The following CDH13 variants were observed in gnomAD, a reference collection of about 807,000 sequenced individuals.
CDH13 encodes cadherin-13.
Under a neutral mutation model 63.8 loss-of-function variants are expected in CDH13, and 24 were observed. The observed-to-expected ratio is 0.38, with a 90% confidence interval of 0.27 to 0.53. CDH13 has a LOEUF of 0.53. CDH13 is among the 20% of genes least tolerant of loss of function. The pLI is 0.85. For missense variants in CDH13, 1,049 were observed against 903.1 expected (o/e 1.16, Z -2.07); for synonymous variants, 503 against 355.3 (o/e 1.42, Z -4.67).
rs748127216 is a variant in CDH13 at position 83,602,568 on chromosome 16, C to T, written c.1075C>T (p.His359Tyr). The T allele has an allele frequency of 6.2e-7, 1 of 1,614,008 alleles. No individual in the cohort carries two copies. The highest frequency in any genetic ancestry group is 8.5e-7 in the Non-Finnish European group (1 of 1,179,882). ...ATIMIDDKND[H>Y]SPKFTKKEFQ... is the part of the protein sequence containing the mutation. The stretch of plus-strand genomic sequence containing the variant: ...GATCATGATCGATGACAAAAATGAT[C>T]ACTCACCAAAATTCACCAAGAAAGA... The change falls in exon 8 of 14, where the codon CAC becomes TAC. Residue 359 changes from histidine to tyrosine, a missense_variant. Transcript: ENST00000567109.
At chr16:82,705,979 C>T (rs1597369983) in intron 1 of CDH13, among the ~76,000 whole-genome samples, 1 of 151,900 alleles carries the variant, frequency 6.6e-6, no homozygotes, top group Non-Finnish European at 1.5e-5. Flanking sequence ...AAGTTTATAC[C>T]CAGGTTATCT....
chr16:83,701,453 C>T (rs970623718), intron 10 of CDH13, among the ~76,000 whole-genome samples: 6 of 152,174 alleles, frequency 3.9e-5, no homozygotes, highest in African/African-American at 1.4e-4. Context: ...CACATCCGGT[C>T]GTAGGCCGTA....
intron 7 of CDH13, among the ~76,000 whole-genome samples, chr16:83,557,128 A>C (rs980119445): frequency 1.3e-5 from 2 of 152,152 alleles, no homozygotes; most frequent in African/African-American, 4.8e-5. Flanking sequence ...AGAGTCTCAT[A>C]GGAGTATGAA....
chr16:83,009,176 C>G (rs1355127284), intron 2 of CDH13, among the ~76,000 whole-genome samples: 3 of 152,158 alleles, frequency 2.0e-5, no homozygotes, highest in Non-Finnish European at 4.4e-5. Flanking sequence ...CTACTTCATT[C>G]AAGAGAATGA....
At chr16:83,053,862 C>T (rs2030644381) in intron 3 of CDH13, among the ~76,000 whole-genome samples, 1 of 152,146 alleles carries the variant, frequency 6.6e-6, no homozygotes, top group Non-Finnish European at 1.5e-5. Flanking sequence ...GACCGGGTAC[C>T]TGAAACCTCT....
chr16:83,266,698 T>A (rs541704468), intron 5 of CDH13, among the ~76,000 whole-genome samples: 1 of 152,228 alleles, frequency 6.6e-6, no homozygotes, highest in Non-Finnish European at 1.5e-5. Flanking sequence ...ATATTTCCGA[T>A]ATGGATGTTA....
At chr16:83,048,043 C>T (rs1327473987) in intron 3 of CDH13, among the ~76,000 whole-genome samples, 1 of 152,130 alleles carries the variant, frequency 6.6e-6, no homozygotes. Context: ...AATATTATTA[C>T]AGTAAAGTAG....
intron 8 of CDH13, among the ~76,000 whole-genome samples, chr16:83,643,286 A>G (rs1911467762): frequency 2.7e-5 from 2 of 75,468 alleles, no homozygotes; most frequent in Admixed American, 3.0e-4. Context: ...AGTATAATAA[A>G]AAAAAAAAAA....
chr16:83,315,241 G>A (rs2090081903), intron 5 of CDH13, among the ~76,000 whole-genome samples: 1 of 152,202 alleles, frequency 6.6e-6, no homozygotes, highest in African/African-American at 2.4e-5. Flanking sequence ...TCCGAGGAAG[G>A]GCCTTAGGCC....
At chr16:83,625,427 G>C (rs1327983598) in intron 8 of CDH13, among the ~76,000 whole-genome samples, 3 of 152,084 alleles carry the variant, frequency 2.0e-5, no homozygotes. Context: ...GATTTCTTCA[G>C]GTCCATTTTC....
intron 1 of CDH13, among the ~76,000 whole-genome samples, chr16:82,662,312 A>G (rs889143767): frequency 1.3e-5 from 2 of 150,966 alleles, no homozygotes; most frequent in African/African-American, 4.9e-5. Flanking sequence ...TGTCGGCATT[A>G]GTTACCTTGA....
intron 10 of CDH13, 89 bp downstream of exon 10, chr16:83,678,550 C>A: frequency 1.4e-6 from 2 of 1,479,002 alleles, no homozygotes; most frequent in Admixed American, 1.9e-5. Context: ...CAGGAGCAGA[C>A]ACCATTAAAT....
chr16:82,907,874 T>C (rs2041701153), intron 2 of CDH13, among the ~76,000 whole-genome samples: 1 of 152,200 alleles, frequency 6.6e-6, no homozygotes, highest in Non-Finnish European at 1.5e-5. Context: ...ATAGTATGTC[T>C]TTGAATGCAA....
intron 4 of CDH13, among the ~76,000 whole-genome samples, chr16:83,142,399 A>G (rs2151678234): frequency 6.6e-6 from 1 of 151,134 alleles, no homozygotes; most frequent in African/African-American, 2.4e-5. Context: ...TGTCCTCAGG[A>G]CCCACCTGGG....
intron 10 of CDH13, among the ~76,000 whole-genome samples, chr16:83,698,736 C>G (rs1005278989): frequency 2.6e-5 from 4 of 152,222 alleles, no homozygotes; most frequent in Non-Finnish European, 4.4e-5. Flanking sequence ...GCGTCTTGCC[C>G]TGTATTGTCT....
At chr16:82,775,902 A>G (rs1239758516) in intron 1 of CDH13, among the ~76,000 whole-genome samples, 1 of 152,178 alleles carries the variant, frequency 6.6e-6, no homozygotes, top group Non-Finnish European at 1.5e-5. Flanking sequence ...GAAGTATGAA[A>G]GGAGCAGTAA....
At chr16:82,977,557 A>G (rs1221051448) in intron 2 of CDH13, among the ~76,000 whole-genome samples, 3 of 152,130 alleles carry the variant, frequency 2.0e-5, no homozygotes, top group African/African-American at 7.2e-5. Context: ...CATGTGAAGA[A>G]GGACATGTTT....
intron 6 of CDH13, among the ~76,000 whole-genome samples, chr16:83,349,975 G>T (rs751456485): frequency 2.6e-5 from 4 of 152,140 alleles, no homozygotes; most frequent in Non-Finnish European, 2.9e-5. Context: ...TCAAGGAAAT[G>T]ACATTAAACA....
chr16:83,561,079 A>C (rs556531410), intron 7 of CDH13, among the ~76,000 whole-genome samples: 1 of 152,218 alleles, frequency 6.6e-6, no homozygotes, highest in East Asian at 1.9e-4. Context: ...CAAACCAATA[A>C]ACCATTTTTG....
Sources: gnomAD v4.1 joint callset for allele counts (sites outside exome capture counted in the v4.1 genomes callset) on GRCh38, gnomAD v4.1.1 for gene constraint, MANE v1.5 for transcripts, NCBI Gene and HGNC (gene_info 2026-07-23, HGNC 2026-07-21) for gene names.